DARS1: variants seen among roughly 807,000 people sequenced by gnomAD.
DARS1 encodes the protein aspartyl-tRNA synthetase 1.
Under a neutral mutation model 68.8 loss-of-function variants are expected in DARS1, and 51 were observed. That is an observed-to-expected ratio of 0.74 (90% CI 0.59 to 0.94). DARS1 has a LOEUF of 0.94. Ranked by LOEUF, DARS1 falls within the 40% of genes least tolerant of loss-of-function variation. The pLI, the probability that DARS1 is intolerant of heterozygous loss-of-function variation, is 0.00. For missense variants in DARS1, 607 were observed against 597.3 expected (o/e 1.02, Z -0.17); for synonymous variants, 203 against 190.4 (o/e 1.07, Z -0.55).
chr2:135,972,968 T>C (rs905619046), intron 3 of DARS1, among the ~76,000 whole-genome samples: 1 of 152,228 alleles, frequency 6.6e-6, no homozygotes, highest in Non-Finnish European at 1.5e-5. Flanking sequence ...GGTACACTGC[T>C]GGTGGGAATG....
At chr2:135,946,541 T>C (rs987511578) in intron 4 of DARS1, among the ~76,000 whole-genome samples, 7 of 152,222 alleles carry the variant, frequency 4.6e-5, no homozygotes, top group African/African-American at 1.7e-4. Context: ...ATTATTTTCT[T>C]TCCCTCAATG....
intron 12 of DARS1, among the ~76,000 whole-genome samples, chr2:135,913,707 A>G (rs1244710496): frequency 6.6e-6 from 1 of 152,012 alleles, no homozygotes; most frequent in Non-Finnish European, 1.5e-5. Context: ...GTAGTCAGCC[A>G]AGATAGTGCC....
At chr2:135,928,999 G>A (rs1012286523) in intron 7 of DARS1, among the ~76,000 whole-genome samples, 1 of 152,146 alleles carries the variant, frequency 6.6e-6, no homozygotes, top group African/African-American at 2.4e-5. Context: ...CTGCAACAGG[G>A]GGATTCCAGC....
intron 15 of DARS1, chr2:135,910,916 ACTCC>A: frequency 2.2e-6 from 1 of 448,838 alleles, no homozygotes; most frequent in Non-Finnish European, 4.1e-6. Context: ...AAAACAGGAT[ACTCC>A]ACTTACAAGA....
chr2:135,959,959 T>A (rs1682065261), intron 4 of DARS1, among the ~76,000 whole-genome samples: 1 of 152,244 alleles, frequency 6.6e-6, no homozygotes, highest in African/African-American at 2.4e-5. Flanking sequence ...TAATAGAATT[T>A]AGCATCTATG....
At chr2:135,939,267 C>G (rs1021823778) in intron 5 of DARS1, among the ~76,000 whole-genome samples, 3 of 152,194 alleles carry the variant, frequency 2.0e-5, no homozygotes, top group African/African-American at 7.2e-5. Context: ...AAGCAAAACA[C>G]TCCTCAGCAA....
At chr2:135,985,359 C>T in intron 1 of DARS1, 44 bp downstream of exon 1, 1 of 1,605,696 alleles carries the variant, frequency 6.2e-7, no homozygotes, top group Non-Finnish European at 8.5e-7. Context: ...CGCAGCCCGG[C>T]CCAGGGGTCT....
At chr2:135,928,900 T>A (rs931949098) in intron 7 of DARS1, among the ~76,000 whole-genome samples, 1 of 152,114 alleles carries the variant, frequency 6.6e-6, no homozygotes, top group African/African-American at 2.4e-5. Flanking sequence ...CGGCCAGAAT[T>A]ATGTAGAATT....
intron 7 of DARS1, among the ~76,000 whole-genome samples, chr2:135,932,349 A>G (rs1454753015): frequency 6.6e-6 from 1 of 152,230 alleles, no homozygotes; most frequent in East Asian, 1.9e-4. Context: ...AACTGCTTCT[A>G]TATTTTTAAT....
Position 135,961,474 on chromosome 2 carries a change from C to T in DARS1, c.242G>A (p.Arg81His), listed in dbSNP as rs532864330. Residue 81 changes from arginine (R) to histidine (H), a missense_variant, in exon 4 of 16, where the codon CGT becomes CAT. Transcript: ENST00000264161. ...AGCCTGGACATTAAACTGCTGCTGACGTAGGACTAAGAAGCACTGTTTCCC... is the reference window on the plus strand; with the variant it reads ...AGCCTGGACATTAAACTGCTGCTGATGTAGGACTAAGAAGCACTGTTTCCC... ...AKGKQCFLVLRQQQFNVQALV... is the reference protein window; with the variant it reads ...AKGKQCFLVLHQQQFNVQALV... 13 of 1,511,568 alleles carry T rather than the reference C, an allele frequency of 8.6e-6. No homozygotes were observed. The African/African-American group carries it at 1.4e-4, about 16-fold the overall frequency. 93.6% of individuals were successfully genotyped at this position (1,511,568 alleles called of 1,614,324 possible).
rs992435404 is a variant in DARS1 at position 135,907,242 on chromosome 2, C to CTTTTTTTTTTTTTTTTTTTT, written c.*73_*74insAAAAAAAAAAAAAAAAAAAA. 2.1e-4 allele frequency: 96 copies of CTTTTTTTTTTTTTTTTTTTT among 453,710 alleles called. 5 individuals carry two copies. Among genetic ancestry groups the CTTTTTTTTTTTTTTTTTTTT allele is most frequent in the African/African-American group, 1.1e-3 (38 of 35,350 alleles). 28.1% of individuals were successfully genotyped at this position (453,710 alleles called of 1,614,324 possible). ...TACTGAAAAGAATAAGTGTGGCTTT[C>CTTTTTTTTTTTTTTTTTTTT]TTTTTTTTTTTTTTTTTTTGAGGCA... On this transcript the variant is annotated 3_prime_UTR_variant, in exon 16 of 16. Transcript: ENST00000264161.
intron 7 of DARS1, among the ~76,000 whole-genome samples, chr2:135,931,749 G>C (rs1681352833): frequency 6.6e-6 from 1 of 152,162 alleles, no homozygotes; most frequent in South Asian, 2.1e-4. Context: ...GTCCTATCTA[G>C]CATGCTAGCT....
chr2:135,912,490 T>C lies in DARS1; in HGVS notation c.1226A>G (p.Asn409Ser). The C allele has an allele frequency of 9.5e-7, 1 of 1,051,780 alleles. No individual in the cohort carries two copies. The highest frequency in any genetic ancestry group is 1.5e-6 in the Non-Finnish European group (1 of 689,638). The allele number at this position is 1,051,780 out of a possible 1,614,324, so 65.2% of individuals were successfully genotyped here. A position where few individuals can be genotyped will look rare whatever the true frequency, so the allele number is the denominator to read the frequency against. Reference sequence around the variant, plus strand: ...ACTTAAAACCAAATTACTTACGGGATTTCTTGGGTCAGGCATGGTATAGAA... The same window carrying C: ...ACTTAAAACCAAATTACTTACGGGACTTCTTGGGTCAGGCATGGTATAGAA... ...RPFYTMPDPR[N>S]PKQSNSYDMF... Residue 409 changes from asparagine to serine, a missense_variant, in exon 13 of 16, where the codon AAT becomes AGT. Physicochemically the swap from Asn to Ser is conservative, Grantham distance 46. Transcript: ENST00000264161.
At chr2:135,933,588 T>TA (rs1316684959) in intron 6 of DARS1, among the ~76,000 whole-genome samples, 2 of 152,170 alleles carry the variant, frequency 1.3e-5, no homozygotes, top group East Asian at 3.8e-4. Flanking sequence ...ATTTACATAA[T>TA]ACTACATATG....
chr2:135,907,238 C>CTTTGTTTTT lies in DARS1; in HGVS notation c.*77_*78insAAAAACAAA. On this transcript the variant is annotated 3_prime_UTR_variant, in exon 16 of 16. Transcript: ENST00000264161. ...AGGTTACTGAAAAGAATAAGTGTGGCTTTCTTTTTTTTTTTTTTTTTTTGA... is the reference window on the plus strand; with the variant it reads ...AGGTTACTGAAAAGAATAAGTGTGGCTTTGTTTTTTTTCTTTTTTTTTTTTTTTTTTTGA... 1 of 724,940 alleles carries CTTTGTTTTT rather than the reference C, an allele frequency of 1.4e-6. No individual in the cohort carries two copies. Among genetic ancestry groups the CTTTGTTTTT allele is most frequent in the Non-Finnish European group, 2.0e-6 (1 of 491,690 alleles). 44.9% of individuals were successfully genotyped at this position (724,940 alleles called of 1,614,324 possible). A position where few individuals can be genotyped will look rare whatever the true frequency, so the allele number is the denominator to read the frequency against.
intron 4 of DARS1, among the ~76,000 whole-genome samples, chr2:135,950,148 T>C (rs1036261902): frequency 3.3e-5 from 5 of 152,188 alleles, no homozygotes; most frequent in African/African-American, 1.2e-4. Context: ...ATAAACACCA[T>C]TGTTTCTCCC....
At chr2:135,929,479 G>A (rs1353360073) in intron 7 of DARS1, among the ~76,000 whole-genome samples, 1 of 151,970 alleles carries the variant, frequency 6.6e-6, no homozygotes, top group East Asian at 1.9e-4. Context: ...TGAAAACATG[G>A]ATTTTATTTG....
rs577829667 is a variant in DARS1, at chr2:135,922,839, T to C, written c.756A>G (p.Leu252=). The C allele has an allele frequency of 5.0e-6, 8 of 1,592,514 alleles. No homozygotes were observed. The highest frequency in any genetic ancestry group is 2.3e-5 in the East Asian group (1 of 43,454). Residue 252 remains leucine, a synonymous_variant, in exon 9 of 16, where the codon CTA becomes CTG. Transcript: ENST00000264161. ...CAGCACAAATGCACATTTGCTTATA[T>C]AGCTGTGGGGACTGAGCCAGGTATG... The part of the protein sequence containing the change: ...NNAYLAQSPQ[L]YKQMCICADF...
chr2:135,922,463 A>C (rs1470171612), intron 9 of DARS1, among the ~76,000 whole-genome samples: 2 of 152,176 alleles, frequency 1.3e-5, no homozygotes, highest in African/African-American at 4.8e-5. Context: ...CAAGAAACGC[A>C]TTTTTAAAAT....
Sources: gnomAD v4.1 joint callset for allele counts (sites outside exome capture counted in the v4.1 genomes callset) on GRCh38, gnomAD v4.1.1 for gene constraint, MANE v1.5 for transcripts, NCBI Gene and HGNC (gene_info 2026-07-23, HGNC 2026-07-21) for gene names.